ECD: variants seen among roughly 807,000 people sequenced by gnomAD.
ECD encodes the protein ecdysoneless cell cycle regulator.
ECD carries 59 observed loss-of-function variants against 77.2 expected under a neutral mutation model. The observed-to-expected ratio is 0.76, with a 90% CI of 0.62 to 0.95. ECD has a LOEUF of 0.95. ECD is among the 40% of genes least tolerant of loss of function. ECD has a pLI of 0.00. For synonymous variants in ECD, 233 were observed against 267.4 expected (o/e 0.87, Z 1.26); for missense variants, 704 against 763.4 (o/e 0.92, Z 0.92).
chr10:73,150,598 T>C (rs1215464689), intron 7 of ECD, among the ~76,000 whole-genome samples: 1 of 152,068 alleles, frequency 6.6e-6, no homozygotes, highest in Non-Finnish European at 1.5e-5. Context: ...ACCTACAGAA[T>C]GGGAGAAAAT....
At chr10:73,160,650 T>C in intron 2 of ECD, 99 bp from the exon 3 acceptor site, 1 of 852,384 alleles carries the variant, frequency 1.2e-6, no homozygotes, top group African/African-American at 1.8e-5. Context: ...ATTGACTGAT[T>C]GCTCTAAGTA....
intron 8 of ECD, 135 bp downstream of exon 8, chr10:73,148,141 G>A (rs368817334): frequency 8.0e-6 from 9 of 1,118,216 alleles, no homozygotes; most frequent in African/African-American, 7.9e-5. Context: ...GAGTACCACT[G>A]AACTAGAAAG....
chr10:73,152,557 T>C (rs1210293707), intron 6 of ECD, 136 bp from the exon 7 acceptor site: 1 of 1,003,534 alleles, frequency 1.0e-6, no homozygotes, highest in African/African-American at 1.6e-5. Context: ...TTCAACCTAT[T>C]CATTGCCTAC....
intron 9 of ECD, chr10:73,141,340 A>G (rs1021455453): frequency 1.0e-5 from 1 of 95,500 alleles, no homozygotes; most frequent in African/African-American, 6.2e-5. Context: ...CGTCTCTACT[A>G]AAAAAAAAAA....
intron 7 of ECD, among the ~76,000 whole-genome samples, chr10:73,148,801 T>C (rs1157620925): frequency 6.6e-6 from 1 of 152,108 alleles, no homozygotes; most frequent in African/African-American, 2.4e-5. Flanking sequence ...AGAGAGGAAA[T>C]CACTTCATTT....
chr10:73,157,171 T>C (rs1843307671), intron 3 of ECD, among the ~76,000 whole-genome samples: 1 of 151,686 alleles, frequency 6.6e-6, no homozygotes, highest in Admixed American at 6.6e-5. Context: ...TGCCTCAGCC[T>C]CCTGAGTAGT....
At position 73,154,720 on chromosome 10, in the gene ECD, G is replaced by A. The variant is rs184470175; in HGVS notation, c.591-272C>T. On this transcript the variant is annotated intron_variant, in intron 5 of 13. Coordinates refer to ENST00000372979, the MANE Select transcript of ECD (RefSeq NM_007265.3). ...GAGGCTGAGGCGGGTGGATCACGAG[G>A]TCAGGAGATTGAGGCCATCCTGGCT... is the stretch of plus-strand genomic sequence containing the variant. Among the ~76,000 whole-genome samples, 86 of 152,162 alleles carry A rather than the reference G, an allele frequency of 5.7e-4. No homozygotes were observed. In the East Asian group the frequency reaches 0.017, roughly 29 times the overall value.
chr10:73,139,538 T>A (rs759459596), intron 10 of ECD, 43 bp from the exon 11 acceptor site: 1 of 1,603,770 alleles, frequency 6.2e-7, no homozygotes, highest in South Asian at 1.1e-5. Context: ...TACATTCACA[T>A]AAGTCCTCTT....
In ECD at chr10:73,139,439, C is replaced by T. The variant is rs1342093709; in HGVS notation, c.1291G>A (p.Val431Ile). The change falls in exon 11 of 14, where the codon GTT becomes ATT. Residue 431 changes from valine (V) to isoleucine (I), a missense_variant. Around this residue, in one of 3 missense-constraint regions of ECD, gnomAD observed 559 missense variants for 583.7 expected, o/e 0.96. Transcript: ENST00000372979. ...DQLDQLLQEA[V>I]GKKESESVSK... ...ACAGACTCGGATTCTTTTTTGCCAA[C>T]AGCTTCCTGCAGCAGCTGGTCCAGC... 4 of 1,613,994 alleles carry T rather than the reference C, an allele frequency of 2.5e-6. No homozygotes were observed. In the African/African-American group the frequency reaches 5.3e-5, roughly 22 times the overall value.
At chr10:73,166,338 C>T (rs1843462139) in intron 1 of ECD, among the ~76,000 whole-genome samples, 1 of 152,092 alleles carries the variant, frequency 6.6e-6, no homozygotes, top group Non-Finnish European at 1.5e-5. Flanking sequence ...TGGGTAAATA[C>T]CCAACAGTGG....
intron 13 of ECD, among the ~76,000 whole-genome samples, chr10:73,135,417 T>G (rs1188477327): frequency 6.6e-6 from 1 of 152,138 alleles, no homozygotes; most frequent in African/African-American, 2.4e-5. Flanking sequence ...GCTTGGGGCT[T>G]ATTAGAAATG....
intron 6 of ECD, 25 bp from the exon 7 acceptor site, chr10:73,152,446 T>A (rs746707661): frequency 6.2e-7 from 1 of 1,602,370 alleles, no homozygotes; most frequent in East Asian, 2.2e-5. Flanking sequence ...ACAAAATACA[T>A]GAGTCTTTTC....
At chr10:73,136,633 A>G in intron 13 of ECD, 71 bp downstream of exon 13, 1 of 1,384,726 alleles carries the variant, frequency 7.2e-7, no homozygotes, top group Non-Finnish European at 1.0e-6. Context: ...AAGAAAAACT[A>G]TGATAAAATA....
chr10:73,134,455 T>G lies in ECD; in HGVS notation c.*128A>C. ...CCAAGAGGGCCACATTTGGGGCTCATGGAGAAGTCAATCTGTAAAACTTGT... is the reference window on the plus strand; with the variant it reads ...CCAAGAGGGCCACATTTGGGGCTCAGGGAGAAGTCAATCTGTAAAACTTGT... On this transcript the variant is annotated 3_prime_UTR_variant, in exon 14 of 14. Transcript: ENST00000372979. The G allele has an allele frequency of 1.3e-5, 12 of 901,786 alleles. No individual in the cohort carries two copies. The highest frequency in any genetic ancestry group is 2.7e-5 in the East Asian group (1 of 37,436). The allele number at this position is 901,786 out of a possible 1,614,324, so 55.9% of individuals were successfully genotyped here. A position where few individuals can be genotyped will look rare whatever the true frequency, so the allele number is the denominator to read the frequency against.
chr10:73,136,740 G>A lies in ECD; in HGVS notation c.1668C>T (p.Thr556=), dbSNP rs755901294. The A allele has an allele frequency of 1.2e-6, 2 of 1,614,016 alleles. No homozygotes were observed. The highest frequency in any genetic ancestry group is 1.7e-6 in the Non-Finnish European group (2 of 1,179,960). ...MAQMDQELAH[T]CISKSFTTRN... is the part of the protein sequence containing the mutation. ...TAGTGGTGAAACTTTTGCTGATGCA[G>A]GTGTGTGCTAGTTCCTGGTCCATCT... Residue 556 remains threonine, a synonymous_variant, in exon 13 of 14, where the codon ACC becomes ACT. Coordinates refer to ENST00000372979, the MANE Select transcript of ECD (RefSeq NM_007265.3).
intron 3 of ECD, among the ~76,000 whole-genome samples, chr10:73,156,865 T>C (rs572882755): frequency 1.5e-3 from 223 of 152,066 alleles, no homozygotes; most frequent in Admixed American, 2.9e-3. Context: ...AAGGTAGATA[T>C]GATAAGGAGA....
chr10:73,139,572 G>C, intron 10 of ECD, 59 bp downstream of exon 10: 1 of 1,584,838 alleles, frequency 6.3e-7, no homozygotes, highest in Non-Finnish European at 8.6e-7. Flanking sequence ...GTGAGACTGA[G>C]TAGAACATTT....
chr10:73,159,625 T>G (rs1430507530), intron 3 of ECD, among the ~76,000 whole-genome samples: 1 of 151,204 alleles, frequency 6.6e-6, no homozygotes. Context: ...GAAGTTGAAC[T>G]CTTTGACAGT....
rs773433177 is a variant in ECD, at chr10:73,136,798, C to G, written c.1610G>C (p.Gly537Ala). The change falls in exon 13 of 14, where the codon GGA (glycine) becomes GCA (alanine). Residue 537 changes from glycine to alanine, a missense_variant. Coordinates refer to ENST00000372979, the MANE Select transcript of ECD (RefSeq NM_007265.3). ...GTATGACTTGAGATTATCAAGTGTT[C>G]CTTTCAGGGAAGCCTCTTCGCCAGG... is the stretch of plus-strand genomic sequence containing the variant. Reference protein sequence around the residue: ...HEPGEEASLKGTLDNLKSYMA... With the variant: ...HEPGEEASLKATLDNLKSYMA... 16 of 1,613,894 alleles carry G rather than the reference C, an allele frequency of 9.9e-6. No homozygotes were observed. In the South Asian group the frequency reaches 1.6e-4, roughly 17 times the overall value.
Sources: allele counts gnomAD v4.1 joint callset (sites outside exome capture counted in the v4.1 genomes callset), GRCh38; gene constraint gnomAD v4.1.1; regional missense constraint gnomAD v4.1.1; transcripts MANE v1.5; gene names NCBI Gene and HGNC (gene_info 2026-07-23, HGNC 2026-07-21).